The following DLG2 variants were observed in gnomAD, a reference collection of about 807,000 sequenced individuals.
DLG2 encodes the protein discs large MAGUK scaffold protein 2, also known as disks large homolog 2.
A neutral mutation model predicts 132.5 loss-of-function variants in DLG2; 45 were observed. The ratio of observed to expected loss-of-function variants is 0.34; its 90% CI spans 0.27 to 0.44. The LOEUF (loss-of-function observed/expected upper bound fraction) is 0.44. Among genes scored for constraint, DLG2 ranks in the 20% least tolerant of loss-of-function variants. The pLI is 1.00. For synonymous variants in DLG2, 424 were observed against 419.6 expected, an observed-to-expected ratio of 1.01 and a Z score of -0.13; for missense variants, 1,045 against 1,196.9, an observed-to-expected ratio of 0.87 and a Z score of 1.87.
chr11:85,421,223 T>C (rs1164016557), intron 3 of DLG2, among the ~76,000 whole-genome samples: 4 of 151,810 alleles, frequency 2.6e-5, no homozygotes, highest in African/African-American at 4.8e-5. Flanking sequence ...GAGGAGAGAG[T>C]TCCCTGACCC....
chr11:83,969,373 T>C (rs2090889978), intron 12 of DLG2, among the ~76,000 whole-genome samples: 1 of 152,180 alleles, frequency 6.6e-6, no homozygotes, highest in African/African-American at 2.4e-5. Context: ...GAGGAATCAT[T>C]ATATTTCCTG....
At chr11:83,589,321 G>A (rs1200054211) in intron 19 of DLG2, among the ~76,000 whole-genome samples, 1 of 147,190 alleles carries the variant, frequency 6.8e-6, no homozygotes. Flanking sequence ...CCAGAAGAGA[G>A]TGGGGGCCAA....
chr11:85,212,319 C>T (rs528782460), intron 4 of DLG2, among the ~76,000 whole-genome samples: 2 of 152,178 alleles, frequency 1.3e-5, no homozygotes, highest in African/African-American at 4.8e-5. Flanking sequence ...CTCCTCTCCC[C>T]TTTCTTTCTC....
intron 18 of DLG2, among the ~76,000 whole-genome samples, chr11:83,771,760 CTATT>C (rs2094401319): frequency 6.6e-6 from 1 of 152,114 alleles, no homozygotes; most frequent in Non-Finnish European, 1.5e-5. Flanking sequence ...ATGATTATTT[CTATT>C]ACCAAGAAAT....
chr11:84,225,858 C>T (rs935242084), intron 8 of DLG2, among the ~76,000 whole-genome samples: 25 of 151,694 alleles, frequency 1.6e-4, no homozygotes, highest in African/African-American at 4.6e-4. Context: ...TTGCCCAGGC[C>T]GAAGTGCAGT....
chr11:84,990,311 T>G (rs1244601940), intron 6 of DLG2, among the ~76,000 whole-genome samples: 1 of 152,206 alleles, frequency 6.6e-6, no homozygotes, highest in Non-Finnish European at 1.5e-5. Context: ...TAATCCCCAG[T>G]GCAATGCATT....
chr11:85,026,238 T>C (rs567017009), intron 6 of DLG2, among the ~76,000 whole-genome samples: 1 of 152,168 alleles, frequency 6.6e-6, no homozygotes, highest in African/African-American at 2.4e-5. Flanking sequence ...GGTTCTTAAA[T>C]ATGAAGAGTT....
At chr11:83,516,913 T>C (rs2095314457) in intron 21 of DLG2, among the ~76,000 whole-genome samples, 1 of 131,148 alleles carries the variant, frequency 7.6e-6, no homozygotes. Flanking sequence ...CTGATGGGCT[T>C]CCCTTTTGGG....
chr11:84,328,043 G>A lies in DLG2; in HGVS notation c.520-76752C>T, dbSNP rs560512075. 9.2e-5 allele frequency among the ~76,000 whole-genome samples: 14 copies of A among 152,148 alleles called. No individual in the cohort carries two copies. The South Asian group carries it at 1.2e-3, about 14-fold the overall frequency. ...AGTGTCTCTTCCCCCAACTCTTCCC[G>A]TTCTAGATCCTCTACTGACTCTTTC... On this transcript the variant is annotated intron_variant, in intron 7 of 27. Transcript: ENST00000376104.
chr11:83,589,592 A>G (rs1445645747), intron 19 of DLG2, among the ~76,000 whole-genome samples: 1 of 148,722 alleles, frequency 6.7e-6, no homozygotes, highest in African/African-American at 2.5e-5. Flanking sequence ...CTAACGAGCA[A>G]AATCACCAGC....
At chr11:85,093,945 C>G (rs2154177359) in intron 6 of DLG2, among the ~76,000 whole-genome samples, 2 of 152,272 alleles carry the variant, frequency 1.3e-5, no homozygotes, top group East Asian at 1.9e-4. Flanking sequence ...CAAATAAAGA[C>G]AATAACAAGG....
At chr11:84,884,326 A>G (rs1306967831) in intron 6 of DLG2, among the ~76,000 whole-genome samples, 1 of 51,370 alleles carries the variant, frequency 1.9e-5, no homozygotes, top group Non-Finnish European at 4.5e-5. Flanking sequence ...GTCTAAATGT[A>G]AAACAAAACA....
chr11:85,449,790 G>T (rs201577390), intron 3 of DLG2, among the ~76,000 whole-genome samples: 3 of 144,526 alleles, frequency 2.1e-5, no homozygotes, highest in Admixed American at 6.9e-5. Flanking sequence ...ACTACCTAAA[G>T]TTTTTTTTTT....
At chr11:84,658,363 C>G (rs2099690674) in intron 6 of DLG2, among the ~76,000 whole-genome samples, 1 of 152,080 alleles carries the variant, frequency 6.6e-6, no homozygotes, top group Admixed American at 6.6e-5. Flanking sequence ...ATGTTGAAAT[C>G]TAACCCCTAG....
In DLG2 at chr11:83,456,206, C is replaced by CGCTTAGG. The variant is rs1422744637; in HGVS notation, c.*3605_*3611dup. ...CATGCGGTAGTGCTGGGAGTGGGCTCGCTTAGGAGCAGTGTTCAGGCAGAG... is the reference window on the plus strand; with the variant it reads ...CATGCGGTAGTGCTGGGAGTGGGCTCGCTTAGGGCTTAGGAGCAGTGTTCAGGCAGAG... On this transcript the variant is annotated 3_prime_UTR_variant, in exon 28 of 28. Coordinates refer to ENST00000376104, the MANE Select transcript of DLG2 (RefSeq NM_001142699.3). 2 of 152,514 alleles carry CGCTTAGG rather than the reference C, an allele frequency of 1.3e-5. No individual in the cohort carries two copies. Among genetic ancestry groups the CGCTTAGG allele is most frequent in the East Asian group, 3.8e-4 (2 of 5,206 alleles). The allele number at this position is 152,514 out of a possible 1,614,324, so 9.4% of individuals were successfully genotyped here. A position where few individuals can be genotyped will look rare whatever the true frequency, so the allele number is the denominator to read the frequency against.
chr11:83,967,314 G>A (rs1450614721), intron 12 of DLG2, among the ~76,000 whole-genome samples: 1 of 152,040 alleles, frequency 6.6e-6, no homozygotes, highest in Non-Finnish European at 1.5e-5. Context: ...CCTGCATACT[G>A]TTTTCCATAA....
intron 19 of DLG2, among the ~76,000 whole-genome samples, chr11:83,587,602 T>A (rs898347377): frequency 6.6e-6 from 1 of 151,844 alleles, no homozygotes; most frequent in Non-Finnish European, 1.5e-5. Context: ...ATAGAGAGAG[T>A]TTCTCTCTAT....
At chr11:84,651,042 T>C (rs2154546570) in intron 6 of DLG2, among the ~76,000 whole-genome samples, 1 of 152,008 alleles carries the variant, frequency 6.6e-6, no homozygotes, top group East Asian at 1.9e-4. Flanking sequence ...CCTTTTTTTT[T>C]CTGAAAGCAA....
intron 7 of DLG2, among the ~76,000 whole-genome samples, chr11:84,266,828 T>C (rs1271563142): frequency 6.6e-6 from 1 of 152,224 alleles, no homozygotes; most frequent in Non-Finnish European, 1.5e-5. Flanking sequence ...CGTTTCATTG[T>C]TGCCTAAATT....
Sources: allele counts gnomAD v4.1 joint callset (sites outside exome capture counted in the v4.1 genomes callset), GRCh38; gene constraint gnomAD v4.1.1; transcripts MANE v1.5; gene names NCBI Gene and HGNC (gene_info 2026-07-23, HGNC 2026-07-21).